KHDRBS2: variants seen among roughly 807,000 people sequenced by gnomAD.
KHDRBS2 encodes the protein KH domain-containing, RNA-binding, signal transduction-associated protein 2.
Under a neutral mutation model 44.3 loss-of-function variants are expected in KHDRBS2, and 26 were observed. That is an observed-to-expected ratio of 0.59 (90% CI 0.43 to 0.81). The LOEUF (loss-of-function observed/expected upper bound fraction) is 0.81. KHDRBS2 is among the 40% of genes least tolerant of loss of function. KHDRBS2 has a pLI of 0.00. For synonymous variants in KHDRBS2, 194 were observed against 151.1 expected (o/e 1.28, Z -2.08); for missense variants, 476 against 433.1 (o/e 1.10, Z -0.88).
chr6:61,719,860 G>A (rs2127554710), intron 7 of KHDRBS2, among the ~76,000 whole-genome samples: 1 of 152,080 alleles, frequency 6.6e-6, no homozygotes, highest in East Asian at 1.9e-4. Flanking sequence ...CATGTGCCAT[G>A]TTGGTGTGCT....
intron 5 of KHDRBS2, among the ~76,000 whole-genome samples, chr6:61,898,079 T>A (rs1803262433): frequency 6.6e-6 from 1 of 152,126 alleles, no homozygotes; most frequent in Non-Finnish European, 1.5e-5. Flanking sequence ...AAATGTAAAT[T>A]GTTTTAATTA....
chr6:61,628,172 C>T, the KHDRBS2 span, among the ~76,000 whole-genome samples: 1 of 131,830 alleles, frequency 7.6e-6, no homozygotes, highest in Non-Finnish European at 1.6e-5. Flanking sequence ...CTCTTATGTG[C>T]TTTGGCTTCA....
chr6:62,148,796 T>A (rs552205958), intron 2 of KHDRBS2, among the ~76,000 whole-genome samples: 12 of 152,232 alleles, frequency 7.9e-5, no homozygotes, highest in Non-Finnish European at 1.5e-5. Flanking sequence ...GTCAATCTTC[T>A]GCTCACCTGA....
At chr6:61,918,379 T>C (rs1258933695) in intron 4 of KHDRBS2, among the ~76,000 whole-genome samples, 3 of 152,040 alleles carry the variant, frequency 2.0e-5, no homozygotes, top group Non-Finnish European at 4.4e-5. Flanking sequence ...AAATGTTAAC[T>C]AACCACTCAT....
chr6:61,975,813 A>T (rs1772511270), intron 4 of KHDRBS2, among the ~76,000 whole-genome samples: 1 of 152,150 alleles, frequency 6.6e-6, no homozygotes, highest in African/African-American at 2.4e-5. Flanking sequence ...ATATAGTAAG[A>T]CTGCATGATA....
intron 6 of KHDRBS2, among the ~76,000 whole-genome samples, chr6:61,784,189 T>C (rs1041056267): frequency 1.3e-5 from 2 of 151,846 alleles, no homozygotes; most frequent in African/African-American, 4.8e-5. Context: ...AAAACACATG[T>C]ATATTCCTAA....
At chr6:61,822,730 C>T (rs1429520422) in intron 6 of KHDRBS2, among the ~76,000 whole-genome samples, 1 of 152,000 alleles carries the variant, frequency 6.6e-6, no homozygotes, top group Non-Finnish European at 1.5e-5. Flanking sequence ...ACTATGTCAG[C>T]AATGTAGTCT....
intron 6 of KHDRBS2, among the ~76,000 whole-genome samples, chr6:61,825,507 G>A (rs1293631962): frequency 6.6e-6 from 1 of 152,164 alleles, no homozygotes; most frequent in African/African-American, 2.4e-5. Flanking sequence ...TAGTTAGTTT[G>A]ATTTTGAGTA....
intron 6 of KHDRBS2, among the ~76,000 whole-genome samples, chr6:61,890,269 T>G (rs1801617897): frequency 6.6e-6 from 1 of 152,208 alleles, no homozygotes; most frequent in African/African-American, 2.4e-5. Flanking sequence ...AATAATAATT[T>G]CAGATTACCT....
rs190591426 is a variant in KHDRBS2 at position 62,155,414 on chromosome 6, A to G, written c.219+21771T>C. 1.8e-3 allele frequency among the ~76,000 whole-genome samples: 271 copies of G among 152,338 alleles called. 9 individuals are homozygous for G. The South Asian group carries it at 0.051, about 29-fold the overall frequency. On this transcript the variant is annotated intron_variant, in intron 2 of 8. Coordinates refer to ENST00000281156, the MANE Select transcript of KHDRBS2 (RefSeq NM_152688.4). ...AATATATAAATCTGGAGGTCAAGAA[A>G]AAGTATCTGCTTTTGGGAAAAGATA...
chr6:61,597,759 CATATATATATATAT>C, the KHDRBS2 span, among the ~76,000 whole-genome samples: 2,375 of 49,342 alleles, frequency 0.048, 179 homozygotes, highest in African/African-American at 0.081. Flanking sequence ...TATATATATA[CATATATATATATAT>C]ACACCAAGAT....
chr6:62,075,802 G>A (rs1391206778), intron 2 of KHDRBS2, among the ~76,000 whole-genome samples: 1 of 151,416 alleles, frequency 6.6e-6, no homozygotes, highest in Admixed American at 6.6e-5. Flanking sequence ...AGGTAATAGA[G>A]CCTCTGTTTT....
At chr6:62,216,337 G>C (rs1829970598) in intron 1 of KHDRBS2, among the ~76,000 whole-genome samples, 1 of 151,710 alleles carries the variant, frequency 6.6e-6, no homozygotes, top group Non-Finnish European at 1.5e-5. Context: ...TGACACTTTT[G>C]CATAAAACTA....
At chr6:62,218,490 T>C (rs1397153148) in intron 1 of KHDRBS2, among the ~76,000 whole-genome samples, 1 of 151,258 alleles carries the variant, frequency 6.6e-6, no homozygotes, top group African/African-American at 2.4e-5. Context: ...AGTACAGAAG[T>C]GAAAATTATC....
chr6:62,077,961 G>A (rs1367842966), intron 2 of KHDRBS2, among the ~76,000 whole-genome samples: 1 of 151,990 alleles, frequency 6.6e-6, no homozygotes, highest in African/African-American at 2.4e-5. Context: ...GTCTTTCTAA[G>A]TACGTTTACA....
intron 2 of KHDRBS2, among the ~76,000 whole-genome samples, chr6:62,103,386 T>C (rs1351127191): frequency 1.3e-5 from 2 of 152,218 alleles, no homozygotes; most frequent in African/African-American, 4.8e-5. Context: ...AGTGAGGGTA[T>C]GACATGTCAG....
At chr6:61,638,916 AAAC>A in the KHDRBS2 span, among the ~76,000 whole-genome samples, 1 of 152,100 alleles carries the variant, frequency 6.6e-6, no homozygotes, top group African/African-American at 2.4e-5. Context: ...AATGTGCTAC[AAAC>A]AACTAATACT....
At chr6:61,815,265 G>C (rs1333451347) in intron 6 of KHDRBS2, among the ~76,000 whole-genome samples, 1 of 152,088 alleles carries the variant, frequency 6.6e-6, no homozygotes, top group African/African-American at 2.4e-5. Context: ...AGGAGGAACA[G>C]AGTGGGAAGG....
intron 2 of KHDRBS2, among the ~76,000 whole-genome samples, chr6:62,128,107 C>A (rs1258142995): frequency 6.6e-6 from 1 of 152,072 alleles, no homozygotes; most frequent in African/African-American, 2.4e-5. Flanking sequence ...ACAAATCTTT[C>A]TCATCGTATT....
Sources: allele counts gnomAD v4.1 joint callset (sites outside exome capture counted in the v4.1 genomes callset), GRCh38; gene constraint gnomAD v4.1.1; transcripts MANE v1.5; gene names NCBI Gene and HGNC (gene_info 2026-07-23, HGNC 2026-07-21).